The following EHD3 variants were observed in gnomAD, a reference collection of about 807,000 sequenced individuals.
EHD3 encodes the protein EH domain-containing protein 3.
Under a neutral mutation model 43.0 loss-of-function variants are expected in EHD3, and 17 were observed. The observed-to-expected ratio is 0.40, with a 90% confidence interval of 0.27 to 0.59. EHD3 has a LOEUF of 0.59. Ranked by LOEUF, EHD3 falls within the 20% of genes least tolerant of loss-of-function variation. EHD3 has a pLI of 0.49. For synonymous variants in EHD3, 313 were observed against 289.5 expected, an observed-to-expected ratio of 1.08 and a Z score of -0.82; for missense variants, 594 against 705.6, an observed-to-expected ratio of 0.84 and a Z score of 1.79.
At position 31,234,630 on chromosome 2, in the gene EHD3, C is replaced by G. The variant is rs1347698296; in HGVS notation, c.9C>G (p.Ser3Arg). 6.2e-7 allele frequency: 1 copy of G among 1,613,774 alleles called. No individual in the cohort carries two copies. Among genetic ancestry groups the G allele is most frequent in the Non-Finnish European group, 8.5e-7 (1 of 1,179,946 alleles). The change falls in exon 1 of 6, where the codon AGC (serine) becomes AGG (arginine). Residue 3 changes from serine (S) to arginine (R), a missense_variant. Ser to Arg is a moderately radical substitution (Grantham distance 110). Around this residue, in one of 3 missense-constraint regions of EHD3, gnomAD observed 243 missense variants for 296.7 expected, o/e 0.82. Transcript: ENST00000322054. Reference protein sequence around the residue: MFSWLGTDDRRRK... With the variant: MFRWLGTDDRRRK... Reference sequence around the variant, plus strand: ...GGCGAGCGGCGGCCGCGATGTTCAGCTGGCTGGGTACGGACGACCGCCGGA... The same window carrying G: ...GGCGAGCGGCGGCCGCGATGTTCAGGTGGCTGGGTACGGACGACCGCCGGA...
At chr2:31,245,502 A>G (rs1683498210) in intron 2 of EHD3, among the ~76,000 whole-genome samples, 1 of 147,610 alleles carries the variant, frequency 6.8e-6, no homozygotes, top group Non-Finnish European at 1.5e-5. Context: ...TCATTGCCCA[A>G]AGGATTCTCG....
chr2:31,254,523 T>C (rs1002861905), intron 3 of EHD3, among the ~76,000 whole-genome samples: 1 of 152,274 alleles, frequency 6.6e-6, no homozygotes, highest in Admixed American at 6.5e-5. Flanking sequence ...AAGCATCTAA[T>C]GTGGCATTTC....
At position 31,234,454 on chromosome 2, in the gene EHD3, C is replaced by T; in HGVS notation, c.-168C>T. The T allele has an allele frequency of 2.9e-6, 2 of 687,198 alleles. No individual in the cohort carries two copies. Among genetic ancestry groups the T allele is most frequent in the Non-Finnish European group, 4.8e-6 (2 of 417,014 alleles). 42.6% of individuals were successfully genotyped at this position (687,198 alleles called of 1,614,324 possible). ...CTTGGTCCCAGGAGCAGGGAGAGTG[C>T]GCTCCCGGCCCTCCTAGCCGCGTGC... On this transcript the variant is annotated 5_prime_UTR_variant, in exon 1 of 6. Coordinates refer to ENST00000322054, the MANE Select transcript of EHD3 (RefSeq NM_014600.3).
intron 1 of EHD3, among the ~76,000 whole-genome samples, chr2:31,243,505 G>T (rs377670650): frequency 8.3e-6 from 1 of 120,110 alleles, no homozygotes; most frequent in African/African-American, 3.2e-5. Context: ...TGCCCAGGCT[G>T]TAGTGCAATG....
rs1215339053 is a variant in EHD3 at position 31,260,796 on chromosome 2, C to T, written c.789C>T (p.Leu263=). ...YIGSFWSHPL[L]IPDNRKLFEA... The stretch of plus-strand genomic sequence containing the variant: ...GCTCCTTCTGGTCCCACCCCCTCCT[C>T]ATCCCTGACAACCGGAAGCTCTTTG... The change falls in exon 4 of 6, where the codon CTC becomes CTT. Residue 263 remains leucine, a synonymous_variant. Transcript: ENST00000322054. The surrounding 1 kb of genome is among the most constrained non-coding windows in gnomAD (Gnocchi z 4.6). 4.3e-6 allele frequency: 7 copies of T among 1,614,108 alleles called. No individual in the cohort carries two copies. The Admixed American group carries it at 1.2e-4, about 27-fold the overall frequency.
intron 3 of EHD3, among the ~76,000 whole-genome samples, chr2:31,253,564 A>G (rs912016669): frequency 6.6e-6 from 1 of 152,216 alleles, no homozygotes; most frequent in Non-Finnish European, 1.5e-5. Context: ...GTCGGCACAG[A>G]GGCCCCTACT....
At chr2:31,257,777 C>A (rs1683779740) in intron 3 of EHD3, among the ~76,000 whole-genome samples, 1 of 152,140 alleles carries the variant, frequency 6.6e-6, no homozygotes, top group Non-Finnish European at 1.5e-5. Flanking sequence ...GTTGATGATG[C>A]CCCTGCCCAC....
chr2:31,263,246 C>T (rs1683887754), intron 5 of EHD3, among the ~76,000 whole-genome samples: 1 of 152,174 alleles, frequency 6.6e-6, no homozygotes, highest in African/African-American at 2.4e-5. Context: ...TTCAGCTCTT[C>T]GCTTCTGCTT....
intron 3 of EHD3, among the ~76,000 whole-genome samples, chr2:31,252,929 G>A (rs752592424): frequency 5.9e-5 from 9 of 152,176 alleles, no homozygotes; most frequent in Non-Finnish European, 1.3e-4. Context: ...GAACTGGGCT[G>A]CTGGCGCCTG....
chr2:31,242,964 TAATAAATA>T (rs530776564), intron 1 of EHD3, among the ~76,000 whole-genome samples: 9 of 149,410 alleles, frequency 6.0e-5, no homozygotes, highest in African/African-American at 2.0e-4. Context: ...CCGTCTCAAA[TAATAAATA>T]AATAAATAAA....
intron 1 of EHD3, among the ~76,000 whole-genome samples, chr2:31,235,899 C>G (rs912753970): frequency 6.6e-6 from 1 of 152,220 alleles, no homozygotes; most frequent in South Asian, 2.1e-4. Context: ...GTTGAGAATG[C>G]TGTGGCCCTC....
intron 1 of EHD3, among the ~76,000 whole-genome samples, 196 bp downstream of exon 1, chr2:31,235,044 A>C (rs1445592297): frequency 2.0e-5 from 3 of 151,744 alleles, no homozygotes; most frequent in Non-Finnish European, 4.4e-5. Context: ...CCTACCCAAT[A>C]CCTGTCCACT....
At chr2:31,239,712 G>A (rs531547154) in intron 1 of EHD3, among the ~76,000 whole-genome samples, 120 of 152,314 alleles carry the variant, frequency 7.9e-4, no homozygotes, top group African/African-American at 2.8e-3. Context: ...CATAAGATGC[G>A]AATAGTAATA....
intron 2 of EHD3, among the ~76,000 whole-genome samples, chr2:31,248,867 G>T (rs186573638): frequency 1.3e-5 from 2 of 152,258 alleles, no homozygotes; most frequent in East Asian, 3.9e-4. Flanking sequence ...TGATGGTTTG[G>T]GACAGACCCT....
chr2:31,254,473 C>A (rs1683706489), intron 3 of EHD3, among the ~76,000 whole-genome samples: 1 of 152,266 alleles, frequency 6.6e-6, no homozygotes, highest in South Asian at 2.1e-4. Flanking sequence ...AAGGCCTTGC[C>A]AACCATCTGC....
chr2:31,248,099 ACACAAGGTGCTGCACCTTAGATTTGTCCG>A (rs551202721), intron 2 of EHD3, among the ~76,000 whole-genome samples: 5 of 152,172 alleles, frequency 3.3e-5, no homozygotes, highest in South Asian at 2.1e-4. Context: ...ACTGCAGTCC[ACACAAGGTGCTGCACCTTAGATTTGTCCG>A]CACAAGGTGC....
chr2:31,263,653 A>C (rs1683893796), intron 5 of EHD3, among the ~76,000 whole-genome samples: 1 of 152,150 alleles, frequency 6.6e-6, no homozygotes, highest in South Asian at 2.1e-4. Flanking sequence ...TTCAGCCCTA[A>C]GGCCTTCCTG....
intron 5 of EHD3, among the ~76,000 whole-genome samples, chr2:31,263,867 T>C (rs913190513): frequency 1.2e-4 from 19 of 152,228 alleles, no homozygotes; most frequent in Admixed American, 1.1e-3. Context: ...CTACAGGCCA[T>C]GGAGAAGTTG....
chr2:31,266,676 C>T lies in EHD3; in HGVS notation c.1580C>T (p.Pro527Leu). ...AACGAGCTGCCTGCCCACCTCCTGC[C>T]CCCGTCCAAGAGGAAAGTTGCCGAG... ...LPNELPAHLLPPSKRKVAE is the reference protein window; with the variant it reads ...LPNELPAHLLLPSKRKVAE Residue 527 changes from proline (P) to leucine (L), a missense_variant, in exon 6 of 6, where the codon CCC becomes CTC. Physicochemically the swap from Pro to Leu is moderately conservative, Grantham distance 98. Around this residue, in one of 3 missense-constraint regions of EHD3, gnomAD observed 322 missense variants for 348.0 expected, o/e 0.93. Transcript: ENST00000322054. This position sits in a 1 kb window ranked among gnomAD's most constrained non-coding sequence, Gnocchi z 5.1. The T allele has an allele frequency of 8.1e-6, 13 of 1,608,416 alleles. No homozygotes were observed. Among genetic ancestry groups the T allele is most frequent in the Non-Finnish European group, 1.1e-5 (13 of 1,176,228 alleles).
Sources: allele counts gnomAD v4.1 joint callset (sites outside exome capture counted in the v4.1 genomes callset), GRCh38; gene constraint gnomAD v4.1.1; regional missense constraint gnomAD v4.1.1; non-coding constraint Gnocchi (gnomAD v3.1); transcripts MANE v1.5; gene names NCBI Gene and HGNC (gene_info 2026-07-23, HGNC 2026-07-21).